UXS1: variants seen among roughly 807,000 people sequenced by gnomAD.
The protein encoded by UXS1 is UDP-glucuronate decarboxylase 1, also known as UDP-glucuronic acid decarboxylase 1.
UXS1 carries 33 observed loss-of-function variants against 62.6 expected under a neutral mutation model. That is an observed-to-expected ratio of 0.53 (90% CI 0.40 to 0.70). The LOEUF (loss-of-function observed/expected upper bound fraction) is 0.70. Among genes scored for constraint, UXS1 ranks in the 30% least tolerant of loss-of-function variants. UXS1 has a pLI of 0.00. For missense variants in UXS1, 434 were observed against 556.3 expected, an observed-to-expected ratio of 0.78 and a Z score of 2.21; for synonymous variants, 213 against 206.8, an observed-to-expected ratio of 1.03 and a Z score of -0.26.
intron 5 of UXS1, among the ~76,000 whole-genome samples, chr2:106,148,284 A>C (rs1681741098): frequency 5.3e-5 from 8 of 152,268 alleles, no homozygotes; most frequent in Admixed American, 5.2e-4. Flanking sequence ...ACTAGAGCTT[A>C]ACTCACGGGA....
chr2:106,171,724 C>T (rs1683574218), intron 1 of UXS1, among the ~76,000 whole-genome samples: 3 of 152,290 alleles, frequency 2.0e-5, no homozygotes, highest in South Asian at 2.1e-4. Context: ...TCACCATTTC[C>T]GTTTTATACC....
intron 5 of UXS1, among the ~76,000 whole-genome samples, chr2:106,154,006 A>C (rs989802335): frequency 6.6e-6 from 1 of 152,236 alleles, no homozygotes; most frequent in Non-Finnish European, 1.5e-5. Flanking sequence ...ACTTGGACTG[A>C]AAGGGCTTAT....
intron 6 of UXS1, among the ~76,000 whole-genome samples, chr2:106,131,227 A>G (rs2104953954): frequency 6.7e-6 from 1 of 149,712 alleles, no homozygotes; most frequent in Non-Finnish European, 1.5e-5. Context: ...CCACGAGACT[A>G]TATCCCACAC....
chr2:106,167,260 A>G (rs1456274314), intron 1 of UXS1, among the ~76,000 whole-genome samples: 1 of 140,212 alleles, frequency 7.1e-6, no homozygotes, highest in Non-Finnish European at 1.7e-5. Context: ...ACACACTCCT[A>G]TTTGGCCCTC....
chr2:106,138,629 T>G, intron 6 of UXS1: 1 of 985,524 alleles, frequency 1.0e-6, no homozygotes, highest in Non-Finnish European at 1.2e-6. Context: ...CTGGGGTTTT[T>G]CCATCCCCAA....
intron 5 of UXS1, among the ~76,000 whole-genome samples, chr2:106,154,009 G>A (rs1162527096): frequency 1.3e-5 from 2 of 152,152 alleles, no homozygotes; most frequent in Non-Finnish European, 2.9e-5. Flanking sequence ...TGGACTGAAA[G>A]GGCTTATGCA....
At chr2:106,167,079 C>T (rs1683260180) in intron 1 of UXS1, among the ~76,000 whole-genome samples, 1 of 152,166 alleles carries the variant, frequency 6.6e-6, no homozygotes, top group African/African-American at 2.4e-5. Context: ...TGGGCAGGCT[C>T]TCCTTTGCCT....
intron 6 of UXS1, among the ~76,000 whole-genome samples, chr2:106,143,723 T>G (rs1392761384): frequency 1.3e-5 from 2 of 152,130 alleles, no homozygotes; most frequent in Non-Finnish European, 2.9e-5. Flanking sequence ...GACTGAGGTC[T>G]CCTTACAGGC....
chr2:106,183,350 T>A (rs902432946), intron 1 of UXS1: 3 of 152,112 alleles, frequency 2.0e-5, no homozygotes, highest in African/African-American at 7.2e-5. Flanking sequence ...TATAAAAATA[T>A]TCAAAGATAC....
chr2:106,155,656 G>A (rs528345694), intron 5 of UXS1, among the ~76,000 whole-genome samples: 7 of 152,276 alleles, frequency 4.6e-5, no homozygotes, highest in African/African-American at 7.2e-5. Flanking sequence ...CTGTACCATC[G>A]AGGTTTGTGT....
At chr2:106,120,184 T>C (rs556774679) in intron 9 of UXS1, among the ~76,000 whole-genome samples, 3 of 152,356 alleles carry the variant, frequency 2.0e-5, no homozygotes, top group South Asian at 2.1e-4. Context: ...ATTTACAACA[T>C]GAATAACGGG....
At chr2:106,140,114 G>C (rs931102991) in intron 6 of UXS1, among the ~76,000 whole-genome samples, 5 of 152,214 alleles carry the variant, frequency 3.3e-5, no homozygotes, top group African/African-American at 1.2e-4. Flanking sequence ...AGAACAGCAA[G>C]ATTTTCCCTT....
chr2:106,176,859 C>T (rs12466456), intron 1 of UXS1, among the ~76,000 whole-genome samples: 6,091 of 152,306 alleles, frequency 0.04, 228 homozygotes, highest in African/African-American at 0.09. Flanking sequence ...GCCAGAACTC[C>T]AATTTGTTGT....
At chr2:106,165,595 C>A (rs1683164171) in intron 2 of UXS1, among the ~76,000 whole-genome samples, 1 of 152,008 alleles carries the variant, frequency 6.6e-6, no homozygotes, top group Admixed American at 6.6e-5. Flanking sequence ...TATGAAGAAG[C>A]ACACACGATG....
intron 7 of UXS1, among the ~76,000 whole-genome samples, chr2:106,126,659 A>T (rs1200867320): frequency 6.6e-6 from 1 of 152,186 alleles, no homozygotes; most frequent in Non-Finnish European, 1.5e-5. Flanking sequence ...TTTCTTCCTG[A>T]TTAAATTTTT....
chr2:106,103,648 C>T lies in UXS1; in HGVS notation c.923+1146G>A, dbSNP rs567286728. Among the ~76,000 whole-genome samples, 3 of 152,306 alleles carry T rather than the reference C, an allele frequency of 2.0e-5. No individual in the cohort carries two copies. The South Asian group carries it at 6.2e-4, about 32-fold the overall frequency. Reference sequence around the variant, plus strand: ...CTGTTAAATCGCTTTTTAGAATATGCATGCCTATTTGGGCCACAAAGTTGG... The same window carrying T: ...CTGTTAAATCGCTTTTTAGAATATGTATGCCTATTTGGGCCACAAAGTTGG... On this transcript the variant is annotated intron_variant, in intron 11 of 14. Coordinates refer to ENST00000283148, the MANE Select transcript of UXS1 (RefSeq NM_001253875.2).
chr2:106,150,470 C>G (rs1310275874), intron 5 of UXS1, among the ~76,000 whole-genome samples: 1 of 152,248 alleles, frequency 6.6e-6, no homozygotes, highest in African/African-American at 2.4e-5. Context: ...ATTCATTGCC[C>G]TGTGCTGCCA....
intron 1 of UXS1, among the ~76,000 whole-genome samples, chr2:106,180,245 C>A (rs553261198): frequency 6.6e-6 from 1 of 152,324 alleles, no homozygotes; most frequent in South Asian, 2.1e-4. Context: ...ACCAGTAACC[C>A]ACGGGAAGGT....
chr2:106,153,131 G>A (rs183410573), intron 5 of UXS1, among the ~76,000 whole-genome samples: 4 of 152,258 alleles, frequency 2.6e-5, no homozygotes, highest in Admixed American at 6.5e-5. Flanking sequence ...AGCTAAATCC[G>A]AGGCCAGCTT....
Sources: allele counts gnomAD v4.1 joint callset (sites outside exome capture counted in the v4.1 genomes callset), GRCh38; gene constraint gnomAD v4.1.1; transcripts MANE v1.5; gene names NCBI Gene and HGNC (gene_info 2026-07-23, HGNC 2026-07-21).